The following IL4R variants were observed in gnomAD, a reference collection of about 807,000 sequenced individuals.
IL4R encodes interleukin-4 receptor subunit alpha.
Under a neutral mutation model 41.5 loss-of-function variants are expected in IL4R, and 17 were observed. That is an observed-to-expected ratio of 0.41 (90% CI 0.28 to 0.61). The LOEUF (loss-of-function observed/expected upper bound fraction) is 0.61. IL4R is among the 20% of genes least tolerant of loss of function. The pLI is 0.31. For synonymous variants in IL4R, 402 were observed against 422.9 expected, an observed-to-expected ratio of 0.95 and a Z score of 0.61; for missense variants, 974 against 1,043.1, an observed-to-expected ratio of 0.93 and a Z score of 0.91.
intron 2 of IL4R, among the ~76,000 whole-genome samples, chr16:27,332,875 A>G (rs990075122): frequency 6.6e-6 from 1 of 151,730 alleles, no homozygotes; most frequent in Non-Finnish European, 1.5e-5. Flanking sequence ...TTTCATTTTT[A>G]TTTAGTTAAA....
intron 1 of IL4R, among the ~76,000 whole-genome samples, chr16:27,321,600 A>G (rs1190149542): frequency 1.3e-5 from 2 of 152,188 alleles, no homozygotes; most frequent in South Asian, 2.1e-4. Context: ...TTTCTCTTCT[A>G]TATGAGCTGC....
At chr16:27,327,645 A>C (rs1394681060) in intron 1 of IL4R, among the ~76,000 whole-genome samples, 1 of 152,022 alleles carries the variant, frequency 6.6e-6, no homozygotes, top group Non-Finnish European at 1.5e-5. Context: ...CTGCATTTCA[A>C]GGGTCAGCAA....
At chr16:27,313,849 G>A (rs878863628), upstream of IL4R, 2 of 898,638 alleles carry the variant, frequency 2.2e-6, no homozygotes, top group South Asian at 4.9e-5. Flanking sequence ...CGCGCCGGGC[G>A]GGGCGGCGCA....
rs964029021 is a variant in IL4R at position 27,348,497 on chromosome 16, G to A, written c.513+1879G>A. Among the ~76,000 whole-genome samples the A allele has an allele frequency of 5.3e-5, 8 of 152,196 alleles. No homozygotes were observed. In the South Asian group the frequency reaches 8.3e-4, roughly 16 times the overall value. On this transcript the variant is annotated intron_variant, in intron 6 of 10. Transcript: ENST00000395762. ...CTTCTAGGAACCTGTCCAGCTCTGCGCCCTGCTTTATTCTGTACTGGCTTC... is the reference window on the plus strand; with the variant it reads ...CTTCTAGGAACCTGTCCAGCTCTGCACCCTGCTTTATTCTGTACTGGCTTC...
At position 27,362,917 on chromosome 16, in the gene IL4R, A is replaced by G. The variant is rs139725604; in HGVS notation, c.1565A>G (p.His522Arg). Residue 522 changes from histidine to arginine, a missense_variant, in exon 11 of 11, where the codon CAC becomes CGC. His to Arg is a conservative substitution (Grantham distance 29). This residue lies in a region of IL4R where 682 missense variants were observed against 704.3 expected (regional missense o/e 0.97). Coordinates refer to ENST00000395762, the MANE Select transcript of IL4R (RefSeq NM_000418.4). ...ELGPDPLLAR[H>R]LEEVEPEMPC... ...GGTCCAGACCCACTGCTGGCCAGACACCTGGAGGAAGTAGAACCCGAGATG... is the reference window on the plus strand; with the variant it reads ...GGTCCAGACCCACTGCTGGCCAGACGCCTGGAGGAAGTAGAACCCGAGATG... The G allele has an allele frequency of 2.9e-5, 47 of 1,613,968 alleles. No individual in the cohort carries two copies. In the African/African-American group the frequency reaches 5.7e-4, roughly 20 times the overall value.
At chr16:27,358,738 G>T (rs537146007) in intron 8 of IL4R, among the ~76,000 whole-genome samples, 178 bp from the exon 9 acceptor site, 67 of 152,274 alleles carry the variant, frequency 4.4e-4, no homozygotes, top group African/African-American at 1.5e-3. Flanking sequence ...GTAGAATAGG[G>T]TTAGCAATAG....
rs2085607710 is a variant in IL4R, at chr16:27,345,416, T to C, written c.361+396T>C. The C allele has an allele frequency of 2.8e-6, 1 of 353,922 alleles. No individual in the cohort carries two copies. The highest frequency in any genetic ancestry group is 5.6e-6 in the Non-Finnish European group (1 of 178,436). The allele number at this position is 353,922 out of a possible 1,614,324, so 21.9% of individuals were successfully genotyped here. On this transcript the variant is annotated intron_variant, in intron 5 of 10. Coordinates refer to ENST00000395762, the MANE Select transcript of IL4R (RefSeq NM_000418.4). This position sits in a 1 kb window ranked among gnomAD's most constrained non-coding sequence, Gnocchi z 4.5. ...GGTCTTGACCGTGGAAGGCTGACCTTCTTCTGGTACCCGGAGTCCCTGCAG... is the reference window on the plus strand; with the variant it reads ...GGTCTTGACCGTGGAAGGCTGACCTCCTTCTGGTACCCGGAGTCCCTGCAG...
intron 2 of IL4R, among the ~76,000 whole-genome samples, chr16:27,330,938 T>C (rs1347805690): frequency 1.3e-5 from 2 of 152,008 alleles, no homozygotes; most frequent in African/African-American, 2.4e-5. Context: ...CCAGGGGGCA[T>C]TGGATGTGTG....
At chr16:27,341,328 G>A (rs751079243) in intron 3 of IL4R, 21 of 603,622 alleles carry the variant, frequency 3.5e-5, no homozygotes, top group South Asian at 3.4e-4. Context: ...TTTGGGGAGG[G>A]GCGGGAATCA....
rs1596823056 is a variant in IL4R at position 27,344,801 on chromosome 16, C to A, written c.210-68C>A. Reference sequence around the variant, plus strand: ...TCTGATGCGGTTCCTGGAGGCATGTCCCGGACACAGCTGTGGGGCCCAGCC... The same window carrying A: ...TCTGATGCGGTTCCTGGAGGCATGTACCGGACACAGCTGTGGGGCCCAGCC... On this transcript the variant is annotated intron_variant, in intron 4 of 10. Coordinates refer to ENST00000395762, the MANE Select transcript of IL4R (RefSeq NM_000418.4). The A allele has an allele frequency of 2.7e-6, 4 of 1,508,386 alleles. No homozygotes were observed. In the East Asian group the frequency reaches 9.2e-5, roughly 35 times the overall value. The allele number at this position is 1,508,386 out of a possible 1,614,324, so 93.4% of individuals were successfully genotyped here.
chr16:27,342,335 G>T, intron 4 of IL4R, 76 bp downstream of exon 4: 1 of 1,567,808 alleles, frequency 6.4e-7, no homozygotes, highest in East Asian at 2.2e-5. Context: ...CTGGGTCCAG[G>T]TGGTGCGCTG....
chr16:27,345,799 C>T lies in IL4R; in HGVS notation c.362-668C>T, dbSNP rs924855643. On this transcript the variant is annotated intron_variant, in intron 5 of 10. Coordinates refer to ENST00000395762, the MANE Select transcript of IL4R (RefSeq NM_000418.4). This position sits in a 1 kb window ranked among gnomAD's most constrained non-coding sequence, Gnocchi z 4.5. ...CAGCCTGGACAACATGGTAAAACCC[C>T]GTCTCTACTAAAAATACAAAAAATT... 1.3e-5 allele frequency among the ~76,000 whole-genome samples: 2 copies of T among 151,468 alleles called. No homozygotes were observed. The highest frequency in any genetic ancestry group is 2.9e-5 in the Non-Finnish European group (2 of 67,908).
At chr16:27,351,214 G>A (rs923949496) in intron 6 of IL4R, among the ~76,000 whole-genome samples, 1 of 152,184 alleles carries the variant, frequency 6.6e-6, no homozygotes, top group African/African-American at 2.4e-5. Context: ...TCAGTTTCGT[G>A]CTGGCTGTTG....
At position 27,342,497 on chromosome 16, in the gene IL4R, G is replaced by C. The variant is rs533396848; in HGVS notation, c.209+238G>C. On this transcript the variant is annotated intron_variant, in intron 4 of 10. Coordinates refer to ENST00000395762, the MANE Select transcript of IL4R (RefSeq NM_000418.4). ...TGGATACGGCTGGAATACTGGACTAGACCAGCAGTTCTCACACTTTTTGGT... is the reference window on the plus strand; with the variant it reads ...TGGATACGGCTGGAATACTGGACTACACCAGCAGTTCTCACACTTTTTGGT... Among the ~76,000 whole-genome samples the C allele has an allele frequency of 4.6e-5, 7 of 152,278 alleles. No individual in the cohort carries two copies. The East Asian group carries it at 1.4e-3, about 29-fold the overall frequency.
chr16:27,329,145 T>A (rs2085042614), intron 1 of IL4R, among the ~76,000 whole-genome samples: 2 of 152,014 alleles, frequency 1.3e-5, no homozygotes, highest in Admixed American at 6.6e-5. Flanking sequence ...CTCCCTCCTC[T>A]CTCTTGCCCT....
rs368223690 is a variant in IL4R, at chr16:27,340,174, C to G, written c.-18-12C>G. ...ACAGGTCAGCACTAACCTGCTTCCT[C>G]TCTCTCTGCAGGTGCCTTGGCATCT... On this transcript the variant is annotated splice_polypyrimidine_tract_variant and intron_variant, in intron 2 of 10. Coordinates refer to ENST00000395762, the MANE Select transcript of IL4R (RefSeq NM_000418.4). 6.2e-7 allele frequency: 1 copy of G among 1,600,658 alleles called. No homozygotes were observed. The highest frequency in any genetic ancestry group is 1.7e-5 in the Admixed American group (1 of 59,698).
chr16:27,363,047 A>G lies in IL4R; in HGVS notation c.1695A>G (p.Ala565=), dbSNP rs748175866. Residue 565 remains alanine (A), a synonymous_variant, in exon 11 of 11, where the codon GCA becomes GCG. Coordinates refer to ENST00000395762, the MANE Select transcript of IL4R (RefSeq NM_000418.4). The part of the protein sequence containing the change: ...RRNVLQHGAA[A]APVSAPTSGY... ...ATGTCCTCCAGCATGGGGCAGCTGC[A>G]GCCCCCGTCTCGGCCCCCACCAGTG... 1.2e-6 allele frequency: 2 copies of G among 1,614,010 alleles called. No individual in the cohort carries two copies. The highest frequency in any genetic ancestry group is 2.7e-5 in the African/African-American group (2 of 74,942).
At position 27,321,437 on chromosome 16, in the gene IL4R, C is replaced by T. The variant is rs190368081; in HGVS notation, c.-152+7417C>T. Among the ~76,000 whole-genome samples the T allele has an allele frequency of 9.8e-5, 15 of 152,320 alleles. No individual in the cohort carries two copies. The East Asian group carries it at 1.2e-3, about 12-fold the overall frequency. ...CATGAGTCAACTGGTTGGAGTCCCA[C>T]GCAAAGACTGTTTGTTTGGTCAAAG... On this transcript the variant is annotated intron_variant, in intron 1 of 10. Transcript: ENST00000395762.
chr16:27,316,929 G>T (rs991116476), intron 1 of IL4R, among the ~76,000 whole-genome samples: 7 of 144,462 alleles, frequency 4.8e-5, no homozygotes, highest in African/African-American at 1.5e-4. Flanking sequence ...TTAGAGCCAT[G>T]GTCTCTCTCT....
Sources: gnomAD v4.1 joint callset for allele counts (sites outside exome capture counted in the v4.1 genomes callset) on GRCh38, gnomAD v4.1.1 for gene constraint, gnomAD v4.1.1 regional missense constraint, Gnocchi (gnomAD v3.1) non-coding constraint, MANE v1.5 for transcripts, NCBI Gene and HGNC (gene_info 2026-07-23, HGNC 2026-07-21) for gene names.